NTRK3: variants seen among roughly 807,000 people sequenced by gnomAD.
NTRK3 encodes the protein neurotrophic receptor tyrosine kinase 3.
In NTRK3, 24 loss-of-function variants were observed where a neutral mutation model predicts 91.7. The observed-to-expected ratio is 0.26, with a 90% CI of 0.19 to 0.37. The LOEUF (loss-of-function observed/expected upper bound fraction) is 0.37, where lower values mean the gene tolerates loss of function less well. Among genes scored for constraint, NTRK3 ranks in the 10% least tolerant of loss-of-function variants. The pLI is 1.00. For synonymous variants in NTRK3, 483 were observed against 404.0 expected (o/e 1.20, Z -2.34); for missense variants, 880 against 1,068.9 (o/e 0.82, Z 2.46).
At chr15:87,874,475 G>A (rs2064898821) in exon 19 of NTRK3, 1 of 232,028 alleles carries the variant, frequency 4.3e-6, no homozygotes, top group Non-Finnish European at 8.5e-6. Context: ...GTGCCCTGAA[G>A]ATAAAACCAT....
At chr15:88,006,882 T>G (rs893239894) in intron 14 of NTRK3, among the ~76,000 whole-genome samples, 3 of 152,110 alleles carry the variant, frequency 2.0e-5, no homozygotes, top group African/African-American at 7.2e-5. Flanking sequence ...AGAGAGCCAC[T>G]AAGATAACCC....
At chr15:87,970,129 A>C (rs2073133900) in intron 14 of NTRK3, among the ~76,000 whole-genome samples, 1 of 152,202 alleles carries the variant, frequency 6.6e-6, no homozygotes, top group South Asian at 2.1e-4. Flanking sequence ...GAACAAGGAA[A>C]GGTAACTTAC....
exon 10 of NTRK3, chr15:88,135,123 G>C (rs765400907): frequency 1.9e-5 from 31 of 1,614,270 alleles, no homozygotes; most frequent in Non-Finnish European, 2.4e-5. Context: ...CCTTGAGGAA[G>C]TGGCCATTGA....
At chr15:87,983,468 A>T (rs2141394316) in intron 14 of NTRK3, among the ~76,000 whole-genome samples, 1 of 152,300 alleles carries the variant, frequency 6.6e-6, no homozygotes, top group South Asian at 2.1e-4. Flanking sequence ...ACCATCAGAC[A>T]TGTTGCTGAT....
intron 14 of NTRK3, among the ~76,000 whole-genome samples, chr15:87,990,577 C>A (rs1013034811): frequency 1.3e-5 from 2 of 152,146 alleles, no homozygotes; most frequent in African/African-American, 2.4e-5. Flanking sequence ...ATGGTACCAT[C>A]CTGACCAGAG....
intron 14 of NTRK3, chr15:87,979,175 G>A (rs2073984835): frequency 1.5e-6 from 1 of 666,728 alleles, no homozygotes; most frequent in Non-Finnish European, 2.7e-6. Flanking sequence ...AGTGGTGGAT[G>A]GGGGAAAACA....
intron 14 of NTRK3, among the ~76,000 whole-genome samples, chr15:87,981,772 G>A (rs944616280): frequency 2.6e-5 from 4 of 152,264 alleles, no homozygotes; most frequent in African/African-American, 7.2e-5. Context: ...CTGGACCCAA[G>A]ACCCTCTTTC....
intron 17 of NTRK3, among the ~76,000 whole-genome samples, chr15:87,894,694 G>GC (rs936325435): frequency 2.0e-5 from 3 of 152,062 alleles, no homozygotes; most frequent in Admixed American, 2.0e-4. Context: ...CTTTCTCACT[G>GC]CCCCCCTTCT....
At chr15:88,032,216 C>T (rs1461546062) in intron 14 of NTRK3, among the ~76,000 whole-genome samples, 1 of 152,048 alleles carries the variant, frequency 6.6e-6, no homozygotes, top group Non-Finnish European at 1.5e-5. Flanking sequence ...CAGAGGGGGC[C>T]TAGCAGGGCT....
In NTRK3 at chr15:87,987,856, G is replaced by A. The variant is rs189112265; in HGVS notation, c.1585+45001C>T. 2.0e-4 allele frequency among the ~76,000 whole-genome samples: 31 copies of A among 151,690 alleles called. 1 individual carries two copies. The East Asian group carries it at 5.8e-3, about 28-fold the overall frequency. On this transcript the variant is annotated intron_variant, in intron 14 of 18. Transcript: ENST00000394480. ...CGTGACACTGCACTCCAGCCTGGGT[G>A]ACACAGTGAGAATCTGTCTCAAAAT...
At chr15:88,006,687 C>T (rs149800612) in intron 14 of NTRK3, among the ~76,000 whole-genome samples, 1 of 152,328 alleles carries the variant, frequency 6.6e-6, no homozygotes, top group African/African-American at 2.4e-5. Flanking sequence ...CGGGCTAGTA[C>T]ATCCGTAGCT....
intron 5 of NTRK3, among the ~76,000 whole-genome samples, chr15:88,150,919 T>C (rs530228072): frequency 1.3e-4 from 20 of 152,258 alleles, no homozygotes; most frequent in African/African-American, 4.8e-4. Flanking sequence ...TCATTGCCCC[T>C]GATTTTTCCT....
intron 14 of NTRK3, among the ~76,000 whole-genome samples, chr15:87,996,937 G>A (rs2075748531): frequency 1.3e-5 from 2 of 152,186 alleles, no homozygotes; most frequent in African/African-American, 4.8e-5. Context: ...TGCACTCACT[G>A]CCTTAAGAGG....
intron 17 of NTRK3, chr15:87,916,555 C>G (rs757853638): frequency 1.4e-6 from 1 of 702,342 alleles, no homozygotes; most frequent in Non-Finnish European, 2.6e-6. Flanking sequence ...CTCATGCCTG[C>G]ACAACCTTCA....
At chr15:88,007,471 C>T (rs184280238) in intron 14 of NTRK3, among the ~76,000 whole-genome samples, 1 of 152,278 alleles carries the variant, frequency 6.6e-6, no homozygotes, top group East Asian at 1.9e-4. Flanking sequence ...AGACTGGACA[C>T]TCTGGAAAGA....
intron 14 of NTRK3, among the ~76,000 whole-genome samples, chr15:87,969,968 T>C (rs1427741565): frequency 6.6e-6 from 1 of 152,124 alleles, no homozygotes; most frequent in African/African-American, 2.4e-5. Context: ...ACACAACATA[T>C]TCAGAGAGAG....
At chr15:88,135,848 A>T in intron 9 of NTRK3, 51 bp downstream of exon 9, 1 of 1,608,590 alleles carries the variant, frequency 6.2e-7, no homozygotes. Context: ...CCAGCCTCCT[A>T]TGCCAGTTGC....
At chr15:87,982,925 C>T (rs143687088) in intron 14 of NTRK3, among the ~76,000 whole-genome samples, 122 of 152,158 alleles carry the variant, frequency 8.0e-4, no homozygotes, top group African/African-American at 2.9e-3. Context: ...AGAAGGTATT[C>T]CCTGCATCTT....
intron 17 of NTRK3, among the ~76,000 whole-genome samples, chr15:87,883,911 GA>G (rs958123971): frequency 1.4e-3 from 191 of 134,206 alleles, no homozygotes; most frequent in African/African-American, 4.9e-3. Flanking sequence ...AGTAATTTTT[GA>G]AAAAAAAATT....
Sources: allele counts gnomAD v4.1 joint callset (sites outside exome capture counted in the v4.1 genomes callset), GRCh38; gene constraint gnomAD v4.1.1; transcripts MANE v1.5; gene names NCBI Gene and HGNC (gene_info 2026-07-23, HGNC 2026-07-21).